LRP5: variants seen among roughly 807,000 people sequenced by gnomAD.
LRP5 encodes the protein LDL receptor related protein 5.
A neutral mutation model predicts 154.1 loss-of-function variants in LRP5; 62 were observed. That is an observed-to-expected ratio of 0.40 (90% CI 0.33 to 0.50). The LOEUF (loss-of-function observed/expected upper bound fraction) is 0.50, where lower values mean the gene tolerates loss of function less well. LRP5 is among the 20% of genes least tolerant of loss of function. The pLI, the probability that LRP5 is intolerant of heterozygous loss-of-function variation, is 0.55. For missense variants in LRP5, 1,915 were observed against 2,336.7 expected (o/e 0.82, Z 3.72); for synonymous variants, 966 against 1,011.5 (o/e 0.96, Z 0.85).
rs545508982 is a variant in LRP5 at position 68,389,980 on chromosome 11, G to A, written c.1512G>A (p.Trp504Ter). The change falls in exon 7 of 23, where the codon TGG becomes TGA. Residue 504 changes from tryptophan (W) to a stop codon, truncating the protein, a stop_gained. Coordinates refer to ENST00000294304, the MANE Select transcript of LRP5 (RefSeq NM_002335.4). LOFTEE classifies it high-confidence loss of function. ...TGCTGGTCAATGCCTCCCTCGGGTG[G>A]CCCAACGGCCTGGCCCTGGACCTGC... ...RRVLVNASLG[W>*]PNGLALDLQE... 1 of 1,614,144 alleles carries A rather than the reference G, an allele frequency of 6.2e-7. No individual in the cohort carries two copies. Among genetic ancestry groups the A allele is most frequent in the African/African-American group, 1.3e-5 (1 of 75,028 alleles).
chr11:68,366,644 C>G (rs1446956544), intron 5 of LRP5, among the ~76,000 whole-genome samples: 1 of 152,168 alleles, frequency 6.6e-6, no homozygotes, highest in African/African-American at 2.4e-5. Context: ...TTGTCTTTCT[C>G]TTTCTGAGAG....
chr11:68,300,015 A>G, the LRP5 span, among the ~76,000 whole-genome samples: 1 of 148,392 alleles, frequency 6.7e-6, no homozygotes, highest in Admixed American at 6.7e-5. Flanking sequence ...CTCCTGCCTC[A>G]GCCTCCTAAG....
intron 4 of LRP5, among the ~76,000 whole-genome samples, chr11:68,365,055 A>T (rs184464189): frequency 1.2e-4 from 18 of 152,246 alleles, no homozygotes; most frequent in Non-Finnish European, 2.4e-4. Flanking sequence ...CAGTGTTCCT[A>T]TGGAAGCTGC....
intron 1 of LRP5, among the ~76,000 whole-genome samples, chr11:68,345,651 T>C (rs2098612306): frequency 1.3e-5 from 2 of 152,364 alleles, no homozygotes; most frequent in East Asian, 3.9e-4. Flanking sequence ...TATCTGATTG[T>C]GTCCCTGTTT....
At position 68,363,302 on chromosome 11, in the gene LRP5, G is replaced by A. The variant is rs190391883; in HGVS notation, c.687-445G>A. Among the ~76,000 whole-genome samples, 472 of 152,288 alleles carry A rather than the reference G, an allele frequency of 3.1e-3. 4 individuals are homozygous for A. The highest frequency in any genetic ancestry group is 4.1e-3 in the Non-Finnish European group (276 of 68,020). ...TTGGGAGGTGCCCTGTGCACGCCGG[G>A]AGAAATGTACGAGGGCGCCAGCTCC... On this transcript the variant is annotated intron_variant, in intron 3 of 22. Transcript: ENST00000294304.
intron 1 of LRP5, among the ~76,000 whole-genome samples, chr11:68,345,809 C>T (rs2098612431): frequency 1.3e-5 from 2 of 152,200 alleles, no homozygotes; most frequent in Admixed American, 1.3e-4. Flanking sequence ...GTTCCAGTTG[C>T]TCCAGATCCT....
At chr11:68,368,422 C>T (rs7112824) in intron 5 of LRP5, among the ~76,000 whole-genome samples, 7,228 of 152,276 alleles carry the variant, frequency 0.047, 572 homozygotes, top group African/African-American at 0.16. Flanking sequence ...GCACGTGCAG[C>T]GGCTTTGAGG....
chr11:68,335,514 G>A (rs992771622), intron 1 of LRP5, among the ~76,000 whole-genome samples: 1 of 151,990 alleles, frequency 6.6e-6, no homozygotes, highest in African/African-American at 2.4e-5. Flanking sequence ...GTGAGCCAAG[G>A]TCACACCACT....
chr11:68,420,326 C>G (rs943199030), intron 13 of LRP5, among the ~76,000 whole-genome samples: 8 of 152,200 alleles, frequency 5.3e-5, no homozygotes, highest in African/African-American at 1.9e-4. Context: ...GTGTGACTGG[C>G]TTCTTTCATG....
chr11:68,366,474 T>C (rs1480589666), intron 5 of LRP5, among the ~76,000 whole-genome samples: 1 of 152,100 alleles, frequency 6.6e-6, no homozygotes, highest in Non-Finnish European at 1.5e-5. Flanking sequence ...GTCCTGACTT[T>C]AGGAACAGTT....
At chr11:68,429,758 G>T in intron 17 of LRP5, 58 bp downstream of exon 17, 2 of 1,609,382 alleles carry the variant, frequency 1.2e-6, no homozygotes, top group Non-Finnish European at 8.5e-7. Flanking sequence ...TTCTCTGCCT[G>T]CTAGGCTGCT....
At chr11:68,427,914 C>T (rs1165629168) in intron 16 of LRP5, among the ~76,000 whole-genome samples, 6 of 152,104 alleles carry the variant, frequency 3.9e-5, no homozygotes, top group Admixed American at 6.5e-5. Flanking sequence ...GATAGAATAA[C>T]GCGAGTTCCC....
chr11:68,403,686 G>A lies in LRP5; in HGVS notation c.1788G>A (p.Val596=), dbSNP rs2153163110. The change falls in exon 8 of 23, where the codon GTG becomes GTA. Residue 596 remains valine (V), a synonymous_variant. Transcript: ENST00000294304. ...TGATGGGGCTCAAAGCTGTGAATGTGGCCAAGGTCGTCGGTGAGTCCGGGG... is the reference window on the plus strand; with the variant it reads ...TGATGGGGCTCAAAGCTGTGAATGTAGCCAAGGTCGTCGGTGAGTCCGGGG... ...PDLMGLKAVN[V]AKVVGTNPCA... is the part of the protein sequence containing the mutation. The A allele has an allele frequency of 6.2e-7, 1 of 1,613,866 alleles. No homozygotes were observed. The highest frequency in any genetic ancestry group is 2.2e-5 in the East Asian group (1 of 44,862).
At chr11:68,368,570 C>T (rs186864925) in intron 5 of LRP5, among the ~76,000 whole-genome samples, 68 of 152,288 alleles carry the variant, frequency 4.5e-4, no homozygotes, top group African/African-American at 1.3e-3. Flanking sequence ...CAGCGGTCCC[C>T]GCAAATTCTG....
intron 5 of LRP5, among the ~76,000 whole-genome samples, chr11:68,377,509 C>T (rs1591250165): frequency 1.3e-5 from 2 of 152,230 alleles, no homozygotes; most frequent in South Asian, 2.1e-4. Flanking sequence ...CCTATGGTCA[C>T]TTGGCACAGG....
Position 68,363,776 on chromosome 11 carries a change from A to ACCCCTTCGCCCTGACGCT in LRP5, c.718_735dup (p.Pro240_Leu245dup). On this transcript the variant is annotated inframe_insertion, in exon 4 of 23. Coordinates refer to ENST00000294304, the MANE Select transcript of LRP5 (RefSeq NM_002335.4). ...AAGGTGGTGGAGGGCAGCCTGACGCACCCCTTCGCCCTGACGCTCTCCGGG... is the reference window on the plus strand; with the variant it reads ...AAGGTGGTGGAGGGCAGCCTGACGCACCCCTTCGCCCTGACGCTCCCCTTCGCCCTGACGCTCTCCGGG... 1 of 1,612,140 alleles carries ACCCCTTCGCCCTGACGCT rather than the reference A, an allele frequency of 6.2e-7. No homozygotes were observed.
chr11:68,370,016 G>T (rs555312636), intron 5 of LRP5, among the ~76,000 whole-genome samples: 32 of 152,274 alleles, frequency 2.1e-4, no homozygotes, highest in Non-Finnish European at 4.3e-4. Context: ...TGCCAGGCCC[G>T]TGAGAGCTGG....
chr11:68,395,535 G>T (rs188897732), intron 7 of LRP5, among the ~76,000 whole-genome samples: 15 of 152,230 alleles, frequency 9.9e-5, no homozygotes, highest in East Asian at 3.9e-4. Context: ...GACTGCTGGG[G>T]TGCCTCACTG....
intron 18 of LRP5, among the ~76,000 whole-genome samples, chr11:68,435,391 T>G (rs1318596623): frequency 2.6e-5 from 4 of 152,220 alleles, no homozygotes; most frequent in African/African-American, 9.6e-5. Context: ...CACCCGCATC[T>G]GCTCAGCTTC....
Sources: allele counts gnomAD v4.1 joint callset (sites outside exome capture counted in the v4.1 genomes callset), GRCh38; gene constraint gnomAD v4.1.1; transcripts MANE v1.5; gene names NCBI Gene and HGNC (gene_info 2026-07-23, HGNC 2026-07-21).